The following COQ5 variants were observed in gnomAD, a reference collection of about 807,000 sequenced individuals.
The protein encoded by COQ5 is coenzyme Q5, methyltransferase.
In COQ5, 27 loss-of-function variants were observed where a neutral mutation model predicts 40.5. That is an observed-to-expected ratio of 0.67 (90% CI 0.49 to 0.92). COQ5 has a LOEUF of 0.92. Ranked by LOEUF, COQ5 falls within the 40% of genes least tolerant of loss-of-function variation. COQ5 has a pLI of 0.00. For synonymous variants in COQ5, 141 were observed against 150.0 expected, an observed-to-expected ratio of 0.94 and a Z score of 0.44; for missense variants, 409 against 406.4, an observed-to-expected ratio of 1.01 and a Z score of -0.06.
intron 2 of COQ5, among the ~76,000 whole-genome samples, chr12:120,518,354 G>A (rs1173063722): frequency 6.6e-6 from 1 of 151,352 alleles, no homozygotes; most frequent in Admixed American, 6.6e-5. Flanking sequence ...CTTGAGGCCT[G>A]GGGGGTGGAG....
intron 1 of COQ5, among the ~76,000 whole-genome samples, chr12:120,524,888 G>A (rs1869867669): frequency 6.6e-6 from 1 of 151,650 alleles, no homozygotes; most frequent in Non-Finnish European, 1.5e-5. Context: ...GCGTGATCTT[G>A]GCTCACTGTA....
At chr12:120,509,868 T>C (rs1869048334) in intron 4 of COQ5, 149 bp downstream of exon 4, 1 of 684,006 alleles carries the variant, frequency 1.5e-6, no homozygotes, top group Admixed American at 2.1e-5. Context: ...GAAGGACTGC[T>C]TGAGCCCAGG....
chr12:120,504,789 T>G, intron 5 of COQ5, 106 bp downstream of exon 5: 1 of 973,998 alleles, frequency 1.0e-6, no homozygotes, highest in Non-Finnish European at 1.6e-6. Flanking sequence ...TCTGGTACTC[T>G]GAACTACAAA....
intron 3 of COQ5, among the ~76,000 whole-genome samples, chr12:120,510,960 T>G (rs1173159952): frequency 6.6e-6 from 1 of 151,972 alleles, no homozygotes. Flanking sequence ...TAACAGTATC[T>G]AACAAGGGCC....
intron 2 of COQ5, among the ~76,000 whole-genome samples, chr12:120,520,133 GTATT>G (rs529512759): frequency 6.5e-4 from 98 of 150,938 alleles, no homozygotes; most frequent in Admixed American, 1.4e-3. Context: ...GTAATTTTAT[GTATT>G]TATTTATTAT....
chr12:120,512,158 C>G (rs1395969363), intron 3 of COQ5, among the ~76,000 whole-genome samples: 1 of 151,532 alleles, frequency 6.6e-6, no homozygotes, highest in Admixed American at 6.6e-5. Flanking sequence ...TGCAGTGAGC[C>G]GAGATCATGC....
At chr12:120,514,248 T>C (rs1261093254) in intron 3 of COQ5, among the ~76,000 whole-genome samples, 2 of 152,062 alleles carry the variant, frequency 1.3e-5, no homozygotes, top group East Asian at 3.9e-4. Context: ...CTGCAGCTCG[T>C]CTAGGCAGCT....
Position 120,510,017 on chromosome 12 carries a change from C to T in COQ5, c.681G>A (p.Gln227=), listed in dbSNP as rs776253786. ...FGIRNVTHID[Q]ALQEAHRVLK... is the part of the protein sequence containing the mutation. Reference sequence around the variant, plus strand: ...AAGCTGAGGATGCAGCCATTCATACCTGATCAATGTGTGTGACATTCCGGA... The same window carrying T: ...AAGCTGAGGATGCAGCCATTCATACTTGATCAATGTGTGTGACATTCCGGA... Residue 227 remains glutamine (Q), a splice_region_variant and synonymous_variant, in exon 4 of 7, where the codon CAG becomes CAA. Transcript: ENST00000288532. 3.7e-6 allele frequency: 6 copies of T among 1,610,822 alleles called. No individual in the cohort carries two copies. In the South Asian group the frequency reaches 6.6e-5, roughly 18 times the overall value.
At chr12:120,527,905 T>A (rs1870026045) in intron 1 of COQ5, among the ~76,000 whole-genome samples, 1 of 137,016 alleles carries the variant, frequency 7.3e-6, no homozygotes, top group South Asian at 2.4e-4. Flanking sequence ...GAGAATGGCG[T>A]GAAGCCAGGA....
At chr12:120,521,067 T>G (rs968861979) in intron 2 of COQ5, among the ~76,000 whole-genome samples, 10 of 149,448 alleles carry the variant, frequency 6.7e-5, no homozygotes, top group African/African-American at 2.0e-4. Context: ...ATCCTGCGTT[T>G]TTTTTTTTTT....
At chr12:120,510,165 G>A in intron 3 of COQ5, 42 bp from the exon 4 acceptor site, 1 of 1,458,814 alleles carries the variant, frequency 6.9e-7, no homozygotes, top group Non-Finnish European at 9.6e-7. Context: ...GTGGGTAGCT[G>A]TTTTTCCTGC....
In COQ5 at chr12:120,516,652, G is replaced by A. The variant is rs143479715; in HGVS notation, c.489C>T (p.Gly163=). The A allele has an allele frequency of 4.1e-5, 66 of 1,614,008 alleles. No individual in the cohort carries two copies. The highest frequency in any genetic ancestry group is 4.0e-4 in the East Asian group (18 of 44,886). The change falls in exon 3 of 7, where the codon GGC becomes GGT. Residue 163 remains glycine (G), a synonymous_variant. Coordinates refer to ENST00000288532, the MANE Select transcript of COQ5 (RefSeq NM_032314.4). ...TGTCACACACCACGACACGAGACCC[G>A]CCCAAGGAATCTTCTTCATTCTGGT... The part of the protein sequence containing the change: ...KEYQNEEDSL[G]GSRVVVCDIN...
intron 1 of COQ5, among the ~76,000 whole-genome samples, chr12:120,527,853 G>A (rs1475730632): frequency 6.6e-6 from 1 of 151,716 alleles, no homozygotes; most frequent in Non-Finnish European, 1.5e-5. Context: ...CGGGCATGGT[G>A]GCGGGCCCCT....
rs1565927748 is a variant in COQ5 at position 120,503,524 on chromosome 12, T to C, written c.*260A>G. On this transcript the variant is annotated 3_prime_UTR_variant, in exon 7 of 7. Transcript: ENST00000288532. ...GTGGTTGTACCTTAACCACACACCCTACAGCCAAGAGAAATTAGCAGTTGA... is the reference window on the plus strand; with the variant it reads ...GTGGTTGTACCTTAACCACACACCCCACAGCCAAGAGAAATTAGCAGTTGA... 1.7e-6 allele frequency: 1 copy of C among 599,018 alleles called. No homozygotes were observed. Among genetic ancestry groups the C allele is most frequent in the African/African-American group, 1.8e-5 (1 of 54,860 alleles). 37.1% of individuals were successfully genotyped at this position (599,018 alleles called of 1,614,324 possible).
intron 1 of COQ5, 175 bp from the exon 2 acceptor site, chr12:120,522,538 A>AT (rs1334447716): frequency 3.1e-4 from 194 of 633,520 alleles, no homozygotes; most frequent in Middle Eastern, 4.4e-4. Context: ...TTATTGATTT[A>AT]TTTTTTTTTC....
chr12:120,506,774 TTC>T (rs1208831033), intron 4 of COQ5, among the ~76,000 whole-genome samples: 16 of 152,196 alleles, frequency 1.1e-4, no homozygotes, highest in African/African-American at 3.4e-4. Flanking sequence ...TCTTCAGTCT[TTC>T]TGTGTCTATA....
intron 4 of COQ5, among the ~76,000 whole-genome samples, chr12:120,507,890 A>AAAT (rs890576297): frequency 6.6e-6 from 1 of 150,880 alleles, no homozygotes; most frequent in African/African-American, 2.4e-5. Context: ...CTGTCTCAAA[A>AAAT]AATAATAATA....
Position 120,516,720 on chromosome 12 carries a change from T to G in COQ5, c.421A>C (p.Arg141=). 1.2e-6 allele frequency: 2 copies of G among 1,614,196 alleles called. No homozygotes were observed. Among genetic ancestry groups the G allele is most frequent in the Non-Finnish European group, 1.7e-6 (2 of 1,180,020 alleles). Residue 141 remains arginine (R), a synonymous_variant, in exon 3 of 7, where the codon AGG becomes CGG. Transcript: ENST00000288532. ...TCCCAGGATAAATTTTGTTGGGCCC[T>G]TAACTGCCTCTTCTGTTTTCTCTGA... ...QHQRKQKRQL[R]AQQNLSWEEI...
chr12:120,504,580 TCAAA>T, intron 5 of COQ5: 1 of 324,640 alleles, frequency 3.1e-6, no homozygotes, highest in Non-Finnish European at 5.9e-6. Context: ...TTTAAGCCAG[TCAAA>T]TTTATCAGAG....
Sources: allele counts gnomAD v4.1 joint callset (sites outside exome capture counted in the v4.1 genomes callset), GRCh38; gene constraint gnomAD v4.1.1; transcripts MANE v1.5; gene names NCBI Gene and HGNC (gene_info 2026-07-23, HGNC 2026-07-21).